The following DNAH9 variants were observed in gnomAD, a reference collection of about 807,000 sequenced individuals.
DNAH9 encodes DNAH9 variant protein.
Under a neutral mutation model 471.6 loss-of-function variants are expected in DNAH9, and 345 were observed. The ratio of observed to expected loss-of-function variants is 0.73; its 90% CI spans 0.67 to 0.80. DNAH9 has a LOEUF of 0.80. Among genes scored for constraint, DNAH9 ranks in the 30% least tolerant of loss-of-function variants. DNAH9 has a pLI of 0.00. For synonymous variants in DNAH9, 2,093 were observed against 2,123.6 expected (o/e 0.99, Z 0.40); for missense variants, 5,407 against 5,609.2 (o/e 0.96, Z 1.15).
At chr17:11,696,877 A>G (rs1275521273) in intron 22 of DNAH9, among the ~76,000 whole-genome samples, 1 of 151,964 alleles carries the variant, frequency 6.6e-6, no homozygotes, top group African/African-American at 2.4e-5. Context: ...AAAATTAATT[A>G]ATTTTTTTTT....
rs746506207 is a variant in DNAH9, at chr17:11,611,780, G to A, written c.904G>A (p.Ala302Thr). Residue 302 changes from alanine to threonine, a missense_variant and splice_region_variant, in exon 4 of 69, where the codon GCT becomes ACT. Ala to Thr is a moderately conservative substitution (Grantham distance 58). Around this residue, in one of 3 missense-constraint regions of DNAH9, gnomAD observed 767 missense variants for 692.5 expected, o/e 1.11. Coordinates refer to ENST00000262442, the MANE Select transcript of DNAH9 (RefSeq NM_001372.4). ...FKAMYRDVVA[A>T]LAEAQDIHVH... ...AGCCATGTACAGAGATGTTGTTGCAGGTGAGGACCAGCAAGTGTTTTCACA... is the reference window on the plus strand; with the variant it reads ...AGCCATGTACAGAGATGTTGTTGCAAGTGAGGACCAGCAAGTGTTTTCACA... The A allele has an allele frequency of 6.2e-7, 1 of 1,614,166 alleles. No homozygotes were observed. The highest frequency in any genetic ancestry group is 1.7e-5 in the Admixed American group (1 of 60,022).
At chr17:11,960,789 G>T (rs1445198412) in intron 67 of DNAH9, among the ~76,000 whole-genome samples, 1 of 151,996 alleles carries the variant, frequency 6.6e-6, no homozygotes, top group African/African-American at 2.4e-5. Context: ...AAAGTTAAGA[G>T]AAAAAGTTAG....
chr17:11,943,598 A>G (rs1975015582), intron 67 of DNAH9, among the ~76,000 whole-genome samples: 2 of 152,070 alleles, frequency 1.3e-5, no homozygotes, highest in Non-Finnish European at 2.9e-5. Context: ...AATAGCGTGA[A>G]CCTGGGAGGC....
intron 45 of DNAH9, among the ~76,000 whole-genome samples, chr17:11,810,920 G>A (rs531598013): frequency 6.6e-6 from 1 of 152,274 alleles, no homozygotes; most frequent in East Asian, 1.9e-4. Flanking sequence ...GTGTGAAGTG[G>A]CCTGTGACGC....
intron 36 of DNAH9, among the ~76,000 whole-genome samples, chr17:11,767,692 G>A (rs1416507499): frequency 7.3e-6 from 1 of 136,950 alleles, no homozygotes; most frequent in Non-Finnish European, 1.5e-5. Context: ...GGTATGTTTT[G>A]GGTCTGAGTG....
rs533202562 is a variant in DNAH9, at chr17:11,826,553, C to T, written c.9246+3519C>T. Reference sequence around the variant, plus strand: ...TCGGCTCACTGCAAGCTCTGCCTCCCGGGTTCACACCATTCTCCTGCCTCA... The same window carrying T: ...TCGGCTCACTGCAAGCTCTGCCTCCTGGGTTCACACCATTCTCCTGCCTCA... On this transcript the variant is annotated intron_variant, in intron 48 of 68. Transcript: ENST00000262442. 5.4e-5 allele frequency among the ~76,000 whole-genome samples: 8 copies of T among 147,582 alleles called. No individual in the cohort carries two copies. The East Asian group carries it at 5.9e-4, about 11-fold the overall frequency.
At position 11,704,462 on chromosome 17, in the gene DNAH9, G is replaced by A. The variant is rs150097496; in HGVS notation, c.5391+20G>A. The A allele has an allele frequency of 1.7e-3, 2,754 of 1,610,052 alleles. 5 individuals carry two copies. The highest frequency in any genetic ancestry group is 2.0e-3 in the Non-Finnish European group (2,377 of 1,178,936). ...CAGAAGGTGGGTCCCAAACATCCAG[G>A]GATGCCCACTTTTGTGTACAGCTAC... On this transcript the variant is annotated intron_variant, in intron 25 of 68. Coordinates refer to ENST00000262442, the MANE Select transcript of DNAH9 (RefSeq NM_001372.4).
chr17:11,751,113 AAG>A (rs1360014347), intron 32 of DNAH9, among the ~76,000 whole-genome samples: 2 of 152,008 alleles, frequency 1.3e-5, no homozygotes, highest in Admixed American at 6.5e-5. Flanking sequence ...GAAAAACTAA[AAG>A]AAATAAATCA....
chr17:11,761,717 G>A (rs12936861), intron 35 of DNAH9, among the ~76,000 whole-genome samples: 1 of 151,770 alleles, frequency 6.6e-6, no homozygotes, highest in South Asian at 2.1e-4. Flanking sequence ...CCAGGCAAGA[G>A]TCCTTCACCA....
chr17:11,639,193 G>T (rs974251510), intron 9 of DNAH9, among the ~76,000 whole-genome samples: 2 of 152,172 alleles, frequency 1.3e-5, no homozygotes, highest in African/African-American at 2.4e-5. Context: ...AAGGGTGAGG[G>T]TCATTGGGGG....
chr17:11,791,635 C>T (rs900271490), intron 41 of DNAH9, among the ~76,000 whole-genome samples: 9 of 151,818 alleles, frequency 5.9e-5, no homozygotes, highest in Admixed American at 1.3e-4. Context: ...TGCTTGAACC[C>T]GGGAGGTGGA....
intron 43 of DNAH9, among the ~76,000 whole-genome samples, chr17:11,803,366 C>A (rs1969541074): frequency 6.7e-6 from 1 of 150,360 alleles, no homozygotes. Flanking sequence ...GAGAATCTTA[C>A]CCATTCTCTA....
chr17:11,952,139 C>CCT (rs758108972), intron 67 of DNAH9, among the ~76,000 whole-genome samples: 1 of 101,972 alleles, frequency 9.8e-6, no homozygotes, highest in Admixed American at 1.1e-4. Context: ...AGCTATATTA[C>CCT]TTTTTTTTTT....
chr17:11,948,719 G>T (rs753723624), intron 67 of DNAH9, among the ~76,000 whole-genome samples: 1 of 152,184 alleles, frequency 6.6e-6, no homozygotes, highest in African/African-American at 2.4e-5. Context: ...CTGGAGGCCA[G>T]CCTGGAAGGA....
At chr17:11,867,662 A>C (rs1972108682) in intron 50 of DNAH9, among the ~76,000 whole-genome samples, 1 of 152,150 alleles carries the variant, frequency 6.6e-6, no homozygotes, top group African/African-American at 2.4e-5. Context: ...GCCTGCATTA[A>C]ATCTCTTCTT....
intron 32 of DNAH9, among the ~76,000 whole-genome samples, chr17:11,752,412 G>A (rs1967195068): frequency 6.6e-6 from 1 of 152,198 alleles, no homozygotes; most frequent in Non-Finnish European, 1.5e-5. Context: ...AGCACAGGGA[G>A]AATGCACCTT....
intron 10 of DNAH9, among the ~76,000 whole-genome samples, chr17:11,644,081 A>G (rs148258645): frequency 0.011 from 1,638 of 152,268 alleles, 33 homozygotes; most frequent in African/African-American, 0.038. Context: ...TACGATTGGC[A>G]GCACAGTAGG....
At chr17:11,947,412 C>G (rs1276961484) in intron 67 of DNAH9, among the ~76,000 whole-genome samples, 1 of 152,044 alleles carries the variant, frequency 6.6e-6, no homozygotes, top group Non-Finnish European at 1.5e-5. Context: ...TTTTAATGCC[C>G]AATACAGTAG....
At chr17:11,845,027 T>C (rs992821585) in intron 49 of DNAH9, among the ~76,000 whole-genome samples, 1 of 151,970 alleles carries the variant, frequency 6.6e-6, no homozygotes, top group Admixed American at 6.6e-5. Context: ...TATTATACTT[T>C]AAGTTTTAGG....
Sources: allele counts gnomAD v4.1 joint callset (sites outside exome capture counted in the v4.1 genomes callset), GRCh38; gene constraint gnomAD v4.1.1; regional missense constraint gnomAD v4.1.1; transcripts MANE v1.5; gene names NCBI Gene and HGNC (gene_info 2026-07-23, HGNC 2026-07-21).